Variants in NAPEPLD observed in about 807,000 individuals in gnomAD.
NAPEPLD encodes N-acyl-phosphatidylethanolamine-hydrolyzing phospholipase D.
In NAPEPLD, 23 loss-of-function variants were observed where a neutral mutation model predicts 38.1. The observed-to-expected ratio is 0.60, with a 90% CI of 0.43 to 0.86. The LOEUF (loss-of-function observed/expected upper bound fraction) is 0.86. NAPEPLD is among the 40% of genes least tolerant of loss of function. The pLI is 0.00. For missense variants in NAPEPLD, 411 were observed against 476.8 expected (o/e 0.86, Z 1.28); for synonymous variants, 147 against 162.0 (o/e 0.91, Z 0.71).
intron 1 of NAPEPLD, among the ~76,000 whole-genome samples, chr7:103,135,267 A>G (rs546907792): frequency 1.6e-4 from 25 of 152,362 alleles, no homozygotes; most frequent in African/African-American, 6.0e-4. Flanking sequence ...TTGAAGAGAA[A>G]GGGCCCTTTT....
At chr7:103,130,578 C>T (rs10271644) in intron 1 of NAPEPLD, among the ~76,000 whole-genome samples, 1,924 of 152,158 alleles carry the variant, frequency 0.013, 38 homozygotes, top group African/African-American at 0.044. Flanking sequence ...TGTTAACTGG[C>T]CATACATCTA....
chr7:103,110,003 C>T (rs1213254602), intron 4 of NAPEPLD, among the ~76,000 whole-genome samples: 1 of 152,118 alleles, frequency 6.6e-6, no homozygotes, highest in African/African-American at 2.4e-5. Flanking sequence ...CATACACCAT[C>T]CTAAGACTAA....
At chr7:103,116,208 C>T (rs978687174) in intron 3 of NAPEPLD, among the ~76,000 whole-genome samples, 2 of 152,036 alleles carry the variant, frequency 1.3e-5, no homozygotes, top group African/African-American at 2.4e-5. Context: ...ACTATAGGCA[C>T]GTACCACCTC....
rs1224145435 is a variant in NAPEPLD at position 103,143,084 on chromosome 7, A to C, written c.-17+5727T>G. 5.9e-5 allele frequency among the ~76,000 whole-genome samples: 9 copies of C among 151,984 alleles called. No homozygotes were observed. In the South Asian group the frequency reaches 8.3e-4, roughly 14 times the overall value. ...ACAAAAAAAAAAACAAAAAAACAAA[A>C]AAACAAACACACACACGCAAAAATT... is the stretch of plus-strand genomic sequence containing the variant. On this transcript the variant is annotated intron_variant, in intron 1 of 4. Coordinates refer to ENST00000465647, the MANE Select transcript of NAPEPLD (RefSeq NM_001122838.3).
chr7:103,149,292 T>C (rs1402029446), upstream of NAPEPLD: 3 of 1,067,842 alleles, frequency 2.8e-6, no homozygotes, highest in African/African-American at 3.5e-5. Context: ...GCGCTTGGGG[T>C]GGCCGGGAGC....
At chr7:103,141,742 GT>G (rs1396930996) in intron 1 of NAPEPLD, 13 of 858,742 alleles carry the variant, frequency 1.5e-5, no homozygotes, top group Non-Finnish European at 2.7e-5. Flanking sequence ...AGGCCAAGGT[GT>G]TTTTCCGGCA....
chr7:103,121,893 A>G (rs1806772312), intron 2 of NAPEPLD, among the ~76,000 whole-genome samples: 1 of 152,146 alleles, frequency 6.6e-6, no homozygotes, highest in African/African-American at 2.4e-5. Context: ...AGACACAGTG[A>G]CTTGTGTGAG....
intron 4 of NAPEPLD, among the ~76,000 whole-genome samples, chr7:103,112,520 G>A (rs899477311): frequency 1.3e-5 from 2 of 152,030 alleles, no homozygotes; most frequent in Non-Finnish European, 1.5e-5. Flanking sequence ...ACCAAACACC[G>A]CATGTTCTCA....
At chr7:103,139,488 G>C (rs1810768336) in intron 1 of NAPEPLD, among the ~76,000 whole-genome samples, 1 of 152,184 alleles carries the variant, frequency 6.6e-6, no homozygotes, top group South Asian at 2.1e-4. Context: ...TTTTCCTTAA[G>C]TGCTGAGCGG....
chr7:103,105,584 A>G (rs569396475), intron 4 of NAPEPLD, among the ~76,000 whole-genome samples: 2 of 152,354 alleles, frequency 1.3e-5, no homozygotes, highest in South Asian at 4.1e-4. Context: ...GGACATCCTT[A>G]ATCTGCTTAT....
At chr7:103,130,662 A>T (rs551295222) in intron 1 of NAPEPLD, among the ~76,000 whole-genome samples, 6 of 152,168 alleles carry the variant, frequency 3.9e-5, no homozygotes, top group Admixed American at 3.3e-4. Flanking sequence ...TGGCTCAATC[A>T]CGGCTCATTG....
intron 1 of NAPEPLD, among the ~76,000 whole-genome samples, chr7:103,132,748 G>A (rs988512797): frequency 2.0e-5 from 3 of 152,132 alleles, no homozygotes; most frequent in Non-Finnish European, 4.4e-5. Flanking sequence ...TCATGCCACT[G>A]CACTCCAGCC....
chr7:103,115,670 G>A (rs889059208), intron 3 of NAPEPLD, among the ~76,000 whole-genome samples: 11 of 152,052 alleles, frequency 7.2e-5, no homozygotes, highest in East Asian at 1.9e-4. Context: ...ATAATTCAAC[G>A]GCAAGCCAGT....
intron 4 of NAPEPLD, among the ~76,000 whole-genome samples, chr7:103,106,576 C>G (rs974721649): frequency 6.6e-6 from 1 of 152,072 alleles, no homozygotes; most frequent in African/African-American, 2.4e-5. Context: ...GAGGGGCGTC[C>G]GCCACTGCTG....
intron 2 of NAPEPLD, among the ~76,000 whole-genome samples, chr7:103,124,936 C>T (rs991331709): frequency 1.3e-5 from 2 of 152,158 alleles, no homozygotes; most frequent in Admixed American, 6.6e-5. Context: ...TATTAACTTA[C>T]ATTAAAATTA....
chr7:103,144,363 T>C (rs1812121963), intron 1 of NAPEPLD, among the ~76,000 whole-genome samples: 1 of 152,098 alleles, frequency 6.6e-6, no homozygotes, highest in African/African-American at 2.4e-5. Context: ...AGATGCTCAA[T>C]AAATACTAGT....
chr7:103,148,691 G>T (rs1813112919), intron 1 of NAPEPLD, 120 bp downstream of exon 1: 1 of 536,950 alleles, frequency 1.9e-6, no homozygotes, highest in Non-Finnish European at 2.4e-6. Flanking sequence ...AAATAAAAGG[G>T]GAGAAACCTG....
chr7:103,106,034 C>G (rs1039163699), intron 4 of NAPEPLD, among the ~76,000 whole-genome samples: 1 of 150,590 alleles, frequency 6.6e-6, no homozygotes, highest in Non-Finnish European at 1.5e-5. Flanking sequence ...GCATTTCCAA[C>G]TGAGGTACCT....
At chr7:103,114,866 T>G (rs1218204891) in intron 4 of NAPEPLD, among the ~76,000 whole-genome samples, 194 bp downstream of exon 4, 1 of 7,888 alleles carries the variant, frequency 1.3e-4, no homozygotes, top group Non-Finnish European at 0.016. Flanking sequence ...GTTGTGTTGT[T>G]TTTTTTTTCT....
Sources: allele counts gnomAD v4.1 joint callset (sites outside exome capture counted in the v4.1 genomes callset), GRCh38; gene constraint gnomAD v4.1.1; transcripts MANE v1.5; gene names NCBI Gene and HGNC (gene_info 2026-07-23, HGNC 2026-07-21).